The following CAPN9 variants were observed in gnomAD, a reference collection of about 807,000 sequenced individuals.
The protein encoded by CAPN9 is calpain 9.
A neutral mutation model predicts 92.8 loss-of-function variants in CAPN9; 81 were observed. The observed-to-expected ratio is 0.87, with a 90% CI of 0.73 to 1.05. The LOEUF (loss-of-function observed/expected upper bound fraction) is 1.05, where lower values mean the gene tolerates loss of function less well. Ranked by LOEUF, CAPN9 falls within the 50% of genes least tolerant of loss-of-function variation. The pLI is 0.00. For synonymous variants in CAPN9, 304 were observed against 328.0 expected (o/e 0.93, Z 0.79); for missense variants, 848 against 866.2 (o/e 0.98, Z 0.26).
chr1:230,747,783 G>T, intron 1 of CAPN9, 74 bp downstream of exon 1: 1 of 1,374,574 alleles, frequency 7.3e-7, no homozygotes, highest in Non-Finnish European at 1.0e-6. Context: ...GTGGAAACAG[G>T]GGTGCTGGGG....
chr1:230,786,131 T>C, intron 12 of CAPN9, 114 bp downstream of exon 12: 14 of 1,594,120 alleles, frequency 8.8e-6, no homozygotes, highest in Non-Finnish European at 1.2e-5. Context: ...TTACATGCAA[T>C]CAAGTAAGCA....
intron 2 of CAPN9, among the ~76,000 whole-genome samples, chr1:230,757,568 C>T (rs1332119433): frequency 6.6e-6 from 1 of 152,048 alleles, no homozygotes; most frequent in Non-Finnish European, 1.5e-5. Flanking sequence ...CAGCCGTGAT[C>T]TGTTGCCACC....
At chr1:230,769,383 T>A in intron 6 of CAPN9, 120 bp downstream of exon 6, 2 of 722,928 alleles carry the variant, frequency 2.8e-6, no homozygotes, top group Non-Finnish European at 2.3e-6. Flanking sequence ...TCAGAGATTA[T>A]GTCACCTAAA....
intron 8 of CAPN9, chr1:230,776,546 A>G (rs1383490196): frequency 2.6e-5 from 4 of 152,242 alleles, no homozygotes; most frequent in Admixed American, 2.0e-4. Context: ...CAAGGCACCA[A>G]TGACTCAAGG....
intron 17 of CAPN9, 162 bp from the exon 18 acceptor site, chr1:230,795,001 G>A: frequency 1.6e-6 from 1 of 607,982 alleles, no homozygotes; most frequent in South Asian, 1.9e-5. Context: ...CACACCAAGG[G>A]CAGCAGTCCC....
At chr1:230,751,218 C>A (rs59907258) in intron 1 of CAPN9, among the ~76,000 whole-genome samples, 3,928 of 152,280 alleles carry the variant, frequency 0.026, 140 homozygotes, top group East Asian at 0.087. Flanking sequence ...GTTCCCTGTG[C>A]TGCTCCCCTG....
rs753250144 is a variant in CAPN9 at position 230,762,659 on chromosome 1, C to G, written c.409C>G (p.Gln137Glu). The stretch of plus-strand genomic sequence containing the variant: ...TCTTTTTCCTGGGCAACAGTTCTGG[C>G]AGCACAGTGAGTGGCTGGACGTGGT... ...YAGIFHFQFW[Q>E]HSEWLDVVID... Residue 137 changes from glutamine to glutamate, a missense_variant, in exon 4 of 20, where the codon CAG (glutamine) becomes GAG (glutamate). Transcript: ENST00000271971. 20 of 1,613,838 alleles carry G rather than the reference C, an allele frequency of 1.2e-5. No homozygotes were observed. The highest frequency in any genetic ancestry group is 1.6e-5 in the Non-Finnish European group (19 of 1,179,894).
At chr1:230,758,458 T>C (rs1665397827) in intron 2 of CAPN9, among the ~76,000 whole-genome samples, 1 of 152,178 alleles carries the variant, frequency 6.6e-6, no homozygotes, top group African/African-American at 2.4e-5. Flanking sequence ...GACCAGCAGA[T>C]GCATTAGAAA....
At chr1:230,751,854 G>T (rs2102828041) in intron 1 of CAPN9, among the ~76,000 whole-genome samples, 1 of 149,398 alleles carries the variant, frequency 6.7e-6, no homozygotes, top group Non-Finnish European at 1.5e-5. Context: ...AGGGCTGTGG[G>T]GTGGGGGAGG....
At position 230,779,260 on chromosome 1, in the gene CAPN9, G is replaced by A. The variant is rs1031619524; in HGVS notation, c.1114+127G>A. 14 of 820,950 alleles carry A rather than the reference G, an allele frequency of 1.7e-5. No homozygotes were observed. In the African/African-American group the frequency reaches 1.9e-4, roughly 11 times the overall value. The allele number at this position is 820,950 out of a possible 1,614,324, so 50.9% of individuals were successfully genotyped here. Reference sequence around the variant, plus strand: ...TAGTAAGGTTTCAAAAGTGACTGGGGAAAAAAGGCTGCAAAGATTTAGTTG... The same window carrying A: ...TAGTAAGGTTTCAAAAGTGACTGGGAAAAAAAGGCTGCAAAGATTTAGTTG... On this transcript the variant is annotated intron_variant, in intron 9 of 19. Coordinates refer to ENST00000271971, the MANE Select transcript of CAPN9 (RefSeq NM_006615.3).
chr1:230,775,139 G>A (rs554509373), intron 8 of CAPN9, among the ~76,000 whole-genome samples: 1 of 152,178 alleles, frequency 6.6e-6, no homozygotes, highest in South Asian at 2.1e-4. Context: ...TCTTGGTGGG[G>A]GCTCACCCCA....
chr1:230,797,156 A>G (rs1204070827), intron 18 of CAPN9, among the ~76,000 whole-genome samples: 1 of 152,202 alleles, frequency 6.6e-6, no homozygotes. Flanking sequence ...GGTGGCACAC[A>G]GCATTGGGAG....
intron 1 of CAPN9, among the ~76,000 whole-genome samples, chr1:230,749,093 C>T (rs2102819368): frequency 6.6e-6 from 1 of 152,298 alleles, no homozygotes; most frequent in South Asian, 2.1e-4. Flanking sequence ...TGATCTTCAC[C>T]TGCCAGGTAA....
chr1:230,759,060 T>C (rs1665442000), intron 2 of CAPN9, among the ~76,000 whole-genome samples: 1 of 152,200 alleles, frequency 6.6e-6, no homozygotes, highest in African/African-American at 2.4e-5. Flanking sequence ...GAGATACCAT[T>C]ATCTGTAATT....
At chr1:230,779,434 G>C (rs527570740) in intron 9 of CAPN9, among the ~76,000 whole-genome samples, 1 of 152,034 alleles carries the variant, frequency 6.6e-6, no homozygotes, top group African/African-American at 2.4e-5. Context: ...AAGTAGGGTG[G>C]GCTTCAGGCA....
intron 18 of CAPN9, 151 bp downstream of exon 18, chr1:230,795,430 G>T (rs1190908716): frequency 8.5e-6 from 5 of 585,418 alleles, no homozygotes; most frequent in Non-Finnish European, 1.5e-5. Context: ...GGCCTGTGCG[G>T]TTAGCTAAGG....
chr1:230,781,190 T>C (rs1291581934), intron 11 of CAPN9, among the ~76,000 whole-genome samples: 3 of 152,014 alleles, frequency 2.0e-5, no homozygotes, highest in African/African-American at 7.3e-5. Context: ...TCTTAGCTTA[T>C]CTGCAAGGCA....
intron 3 of CAPN9, among the ~76,000 whole-genome samples, chr1:230,760,908 C>T (rs911362063): frequency 3.9e-5 from 6 of 152,178 alleles, no homozygotes; most frequent in African/African-American, 1.4e-4. Context: ...GAACCAGAAC[C>T]ACCACCTCTT....
chr1:230,763,010 T>C (rs17731757), intron 4 of CAPN9, among the ~76,000 whole-genome samples: 186 of 152,226 alleles, frequency 1.2e-3, no homozygotes, highest in Admixed American at 4.5e-3. Flanking sequence ...CATGACCCTT[T>C]TTCTCCCTGG....
Sources: gnomAD v4.1 joint callset for allele counts (sites outside exome capture counted in the v4.1 genomes callset) on GRCh38, gnomAD v4.1.1 for gene constraint, MANE v1.5 for transcripts, NCBI Gene and HGNC (gene_info 2026-07-23, HGNC 2026-07-21) for gene names.